The following HFM1 variants were observed in gnomAD, a reference collection of about 807,000 sequenced individuals.
The protein encoded by HFM1 is probable ATP-dependent DNA helicase HFM1.
HFM1 carries 169 observed loss-of-function variants against 192.1 expected under a neutral mutation model. The observed-to-expected ratio is 0.88, with a 90% CI of 0.78 to 1.00. The LOEUF (loss-of-function observed/expected upper bound fraction) is 1.00. Ranked by LOEUF, HFM1 falls within the 50% of genes least tolerant of loss-of-function variation. The probability of loss-of-function intolerance (pLI) is 0.00; values close to 1 mark genes in which losing one functional copy is unlikely to be tolerated. For synonymous variants in HFM1, 525 were observed against 537.8 expected (o/e 0.98, Z 0.33); for missense variants, 1,661 against 1,668.0 (o/e 1.00, Z 0.07).
intron 4 of HFM1, among the ~76,000 whole-genome samples, chr1:91,386,583 T>G (rs1662241857): frequency 6.6e-6 from 1 of 152,246 alleles, no homozygotes; most frequent in Admixed American, 6.5e-5. Context: ...TACTACATTT[T>G]GGGATAATTT....
chr1:91,345,015 AG>A (rs1655940728), intron 19 of HFM1, among the ~76,000 whole-genome samples: 1 of 152,094 alleles, frequency 6.6e-6, no homozygotes, highest in Non-Finnish European at 1.5e-5. Flanking sequence ...GGAATCCCAA[AG>A]GTATTACAGG....
chr1:91,364,833 C>T (rs1659066189), intron 13 of HFM1, among the ~76,000 whole-genome samples: 1 of 151,352 alleles, frequency 6.6e-6, no homozygotes, highest in African/African-American at 2.4e-5. Flanking sequence ...TGGGGTTTCA[C>T]CATGTTAGCC....
intron 18 of HFM1, among the ~76,000 whole-genome samples, chr1:91,348,277 T>C (rs1034533853): frequency 7.2e-5 from 11 of 152,164 alleles, no homozygotes; most frequent in African/African-American, 2.7e-4. Flanking sequence ...CATGAAAAGA[T>C]ACCAATATTC....
chr1:91,379,148 C>A lies in HFM1; in HGVS notation c.1073G>T (p.Gly358Val). 1.2e-6 allele frequency: 2 copies of A among 1,608,700 alleles called. No individual in the cohort carries two copies. Among genetic ancestry groups the A allele is most frequent in the Non-Finnish European group, 1.7e-6 (2 of 1,176,842 alleles). ...TCCAGTAAGTTCTTTACAATTCAAT[C>A]CTATTGGTCCAAATTTTTCTTTCCA... ...DDWKEKFGPIGLNCKELTGDT... is the reference protein window; with the variant it reads ...DDWKEKFGPIVLNCKELTGDT... The change falls in exon 9 of 39, where the codon GGA (glycine) becomes GTA (valine). Residue 358 changes from glycine (G) to valine (V), a missense_variant. Transcript: ENST00000370425.
At chr1:91,308,170 T>A (rs952869126) in intron 30 of HFM1, among the ~76,000 whole-genome samples, 2 of 152,210 alleles carry the variant, frequency 1.3e-5, no homozygotes, top group Non-Finnish European at 2.9e-5. Flanking sequence ...CCATTGTCTC[T>A]TTGAATGTTA....
intron 2 of HFM1, among the ~76,000 whole-genome samples, chr1:91,397,138 G>A (rs1042768290): frequency 3.9e-5 from 6 of 152,190 alleles, no homozygotes; most frequent in Admixed American, 6.5e-5. Flanking sequence ...GTTGGGGACC[G>A]TTGTTCTAGA....
chr1:91,393,304 T>C (rs1458081016), intron 4 of HFM1, among the ~76,000 whole-genome samples: 1 of 152,054 alleles, frequency 6.6e-6, no homozygotes, highest in Non-Finnish European at 1.5e-5. Flanking sequence ...GATAACCACA[T>C]CTCCTATGTC....
chr1:91,266,533 GTTTT>G (rs1665781732), intron 35 of HFM1, among the ~76,000 whole-genome samples: 1 of 152,100 alleles, frequency 6.6e-6, no homozygotes, highest in Non-Finnish European at 1.5e-5. Flanking sequence ...AACAGTTTGT[GTTTT>G]TGCACTCACT....
chr1:91,382,796 G>A (rs1661709913), intron 6 of HFM1, among the ~76,000 whole-genome samples: 1 of 152,136 alleles, frequency 6.6e-6, no homozygotes, highest in African/African-American at 2.4e-5. Context: ...AAACTCAACT[G>A]CTAACATCAT....
chr1:91,352,180 G>A (rs1657022484), intron 16 of HFM1, among the ~76,000 whole-genome samples: 1 of 149,948 alleles, frequency 6.7e-6, no homozygotes, highest in African/African-American at 2.4e-5. Flanking sequence ...CCCTAAGCAA[G>A]GAAAACCTGT....
rs931349065 is a variant in HFM1 at position 91,298,650 on chromosome 1, A to C, written c.3391+14699T>G. On this transcript the variant is annotated intron_variant, in intron 30 of 38. Transcript: ENST00000370425. ...CAAATATTCAACATTCTTAAAGAAA[A>C]GAATTTTCAACCCAGAATTTCATAT... Among the ~76,000 whole-genome samples, 10 of 152,232 alleles carry C rather than the reference A, an allele frequency of 6.6e-5. No homozygotes were observed. In the South Asian group the frequency reaches 1.0e-3, roughly 16 times the overall value.
chr1:91,333,725 T>C (rs1022022291), intron 20 of HFM1, among the ~76,000 whole-genome samples: 2 of 152,202 alleles, frequency 1.3e-5, no homozygotes, highest in African/African-American at 4.8e-5. Context: ...ATGAACTCTA[T>C]AAATATATAT....
chr1:91,400,890 A>G (rs1394625653), intron 2 of HFM1, 122 bp downstream of exon 2: 1 of 528,342 alleles, frequency 1.9e-6, no homozygotes, highest in Non-Finnish European at 3.4e-6. Flanking sequence ...TGTAACTGAA[A>G]TATCGTTCTG....
intron 13 of HFM1, among the ~76,000 whole-genome samples, chr1:91,372,012 G>A (rs1660281991): frequency 6.6e-6 from 1 of 152,188 alleles, no homozygotes; most frequent in Non-Finnish European, 1.5e-5. Context: ...GGCCATCAGA[G>A]AAATGAAAAT....
At chr1:91,289,926 A>G (rs903809750) in intron 30 of HFM1, among the ~76,000 whole-genome samples, 2 of 152,080 alleles carry the variant, frequency 1.3e-5, no homozygotes, top group African/African-American at 4.8e-5. Context: ...TTTTCAGCCC[A>G]GAATTTCATA....
chr1:91,281,144 C>G (rs951552026), intron 30 of HFM1, among the ~76,000 whole-genome samples: 1 of 152,104 alleles, frequency 6.6e-6, no homozygotes, highest in Non-Finnish European at 1.5e-5. Context: ...AAAACCAGTA[C>G]AAGTCTAAGC....
chr1:91,404,116 A>G (rs947307628), intron 1 of HFM1, among the ~76,000 whole-genome samples: 13 of 152,234 alleles, frequency 8.5e-5, no homozygotes, highest in Admixed American at 8.5e-4. Context: ...GGAAAAATCA[A>G]CGGGAACAAA....
chr1:91,401,861 T>C (rs1263719775), intron 1 of HFM1, among the ~76,000 whole-genome samples: 3 of 152,092 alleles, frequency 2.0e-5, no homozygotes, highest in African/African-American at 4.8e-5. Flanking sequence ...ACATTCAGCA[T>C]TGGCCACCTT....
In HFM1 at chr1:91,267,815, C is replaced by A; in HGVS notation, c.3813G>T (p.Trp1271Cys). The A allele has an allele frequency of 1.3e-6, 2 of 1,580,778 alleles. No individual in the cohort carries two copies. Among genetic ancestry groups the A allele is most frequent in the South Asian group, 1.2e-5 (1 of 84,726 alleles). The change falls in exon 35 of 39, where the codon TGG becomes TGT. Residue 1271 changes from tryptophan to cysteine, a missense_variant. Coordinates refer to ENST00000370425, the MANE Select transcript of HFM1 (RefSeq NM_001017975.6). ...NVNFELGNEV[W>C]DDFDDENLEV... The stretch of plus-strand genomic sequence containing the variant: ...CTAAGTTTTCATCATCAAAATCATC[C>A]CAAACTTCATTTCCCAATTCAAAGT...
Sources: allele counts gnomAD v4.1 joint callset (sites outside exome capture counted in the v4.1 genomes callset), GRCh38; gene constraint gnomAD v4.1.1; transcripts MANE v1.5; gene names NCBI Gene and HGNC (gene_info 2026-07-23, HGNC 2026-07-21).